Variants in R3HCC1 observed in about 807,000 individuals in gnomAD.
R3HCC1 encodes the protein R3H domain and coiled-coil containing 1, also known as R3H and coiled-coil domain-containing protein 1.
A neutral mutation model predicts 40.0 loss-of-function variants in R3HCC1; 32 were observed. The observed-to-expected ratio is 0.80, with a 90% CI of 0.60 to 1.07. R3HCC1 has a LOEUF of 1.07. R3HCC1 is among the 50% of genes least tolerant of loss of function. R3HCC1 has a pLI of 0.00. For missense variants in R3HCC1, 586 were observed against 563.3 expected (o/e 1.04, Z -0.41); for synonymous variants, 237 against 232.8 (o/e 1.02, Z -0.17).
intron 1 of R3HCC1, 36 bp from the exon 2 acceptor site, chr8:23,288,470 T>TG: frequency 6.5e-7 from 1 of 1,534,566 alleles, no homozygotes; most frequent in Non-Finnish European, 8.7e-7. Context: ...CGGGGGTCTG[T>TG]GCTCTGATTC....
intron 7 of R3HCC1, 84 bp downstream of exon 7, chr8:23,294,948 T>C: frequency 9.6e-7 from 1 of 1,041,886 alleles, no homozygotes; most frequent in Admixed American, 2.0e-5. Context: ...TGTGTGTGTG[T>C]CTGGTTTGGG....
intron 7 of R3HCC1, 60 bp from the exon 8 acceptor site, chr8:23,295,907 C>A: frequency 6.7e-7 from 1 of 1,496,870 alleles, no homozygotes; most frequent in South Asian, 1.3e-5. Context: ...TGCTGTGTTG[C>A]TGGGGGAGAG....
chr8:23,294,932 TGTGC>T, intron 7 of R3HCC1, 68 bp downstream of exon 7: 3 of 1,104,896 alleles, frequency 2.7e-6, no homozygotes, highest in East Asian at 2.6e-5. Flanking sequence ...CATGTGTGTG[TGTGC>T]GTGTGTGTGT....
At chr8:23,289,707 A>G (rs1449880385) in intron 3 of R3HCC1, among the ~76,000 whole-genome samples, 159 bp from the exon 4 acceptor site, 1 of 152,332 alleles carries the variant, frequency 6.6e-6, no homozygotes. Context: ...GACAGCCTCC[A>G]CTGTGATGCC....
At chr8:23,293,236 G>C in intron 5 of R3HCC1, 67 bp from the exon 6 acceptor site, 1 of 1,346,790 alleles carries the variant, frequency 7.4e-7, no homozygotes, top group Admixed American at 2.0e-5. Flanking sequence ...GGGTGTGGCT[G>C]CGGGATTCGA....
intron 5 of R3HCC1, among the ~76,000 whole-genome samples, chr8:23,292,222 G>C (rs537968539): frequency 6.6e-6 from 1 of 152,064 alleles, no homozygotes; most frequent in African/African-American, 2.4e-5. Flanking sequence ...CAACCTCCTG[G>C]GCTCAAGTGA....
At chr8:23,293,724 G>A (rs748626452) in intron 6 of R3HCC1, among the ~76,000 whole-genome samples, 1 of 152,162 alleles carries the variant, frequency 6.6e-6, no homozygotes, top group Non-Finnish European at 1.5e-5. Flanking sequence ...TTTGAATTCT[G>A]GAGATTTCAT....
Position 23,293,492 on chromosome 8 carries a change from C to A in R3HCC1, c.1096+119C>A, listed in dbSNP as rs559466841. ...GCAGGCTCAGCTGAGCCAGTAGGCT[C>A]TGGGGGTTTTGTTCCCAGCCTAAAA... On this transcript the variant is annotated intron_variant, in intron 6 of 7. Transcript: ENST00000265806. 63 of 737,288 alleles carry A rather than the reference C, an allele frequency of 8.5e-5. No individual in the cohort carries two copies. In the African/African-American group the frequency reaches 8.8e-4, roughly 10 times the overall value. 45.7% of individuals were successfully genotyped at this position (737,288 alleles called of 1,614,324 possible).
In R3HCC1 at chr8:23,289,987, G is replaced by A. The variant is rs1005072362; in HGVS notation, c.370G>A (p.Ala124Thr). Reference sequence around the variant, plus strand: ...AGCTGCGGTTCCCCGAGGTGCCCGGGCTGGCCGGTGGTATCGTGGACGCAA... The same window carrying A: ...AGCTGCGGTTCCCCGAGGTGCCCGGACTGGCCGGTGGTATCGTGGACGCAA... The change falls in exon 4 of 8, where the codon GCT becomes ACT. Residue 124 changes from alanine to threonine, a missense_variant. Transcript: ENST00000265806. 123 of 1,536,846 alleles carry A rather than the reference G, an allele frequency of 8.0e-5. No homozygotes were observed. The East Asian group carries it at 2.9e-3, about 37-fold the overall frequency.
Position 23,288,114 on chromosome 8 carries a change from C to T in R3HCC1, c.-62C>T, listed in dbSNP as rs906928242. ...CTCTAGGGCGCTCGGGCGCGCTGGC[C>T]CCTGGGGACGCCGAGGGCGGCTGCG... On this transcript the variant is annotated 5_prime_UTR_variant, in exon 1 of 8. Coordinates refer to ENST00000265806, the MANE Select transcript of R3HCC1 (RefSeq NM_001136108.3). 16 of 1,264,560 alleles carry T rather than the reference C, an allele frequency of 1.3e-5. No individual in the cohort carries two copies. The highest frequency in any genetic ancestry group is 1.0e-4 in the Admixed American group (4 of 38,488). The allele number at this position is 1,264,560 out of a possible 1,614,324, so 78.3% of individuals were successfully genotyped here.
At position 23,290,317 on chromosome 8, in the gene R3HCC1, T is replaced by C; in HGVS notation, c.700T>C (p.Phe234Leu). 4 of 1,551,596 alleles carry C rather than the reference T, an allele frequency of 2.6e-6. No homozygotes were observed. The highest frequency in any genetic ancestry group is 3.5e-6 in the Non-Finnish European group (4 of 1,146,970). Residue 234 changes from phenylalanine (F) to leucine (L), a missense_variant, in exon 4 of 8, where the codon TTT becomes CTT. By Grantham distance (22) the Phe-to-Leu change is conservative. Coordinates refer to ENST00000265806, the MANE Select transcript of R3HCC1 (RefSeq NM_001136108.3). ...AGACATGGTGGAGATGGCCACACGG[T>C]TTGGGTCCACCCTGCAGCTAGACCT... is the stretch of plus-strand genomic sequence containing the variant.
At chr8:23,292,054 C>T (rs1262717678) in intron 5 of R3HCC1, among the ~76,000 whole-genome samples, 1 of 152,200 alleles carries the variant, frequency 6.6e-6, no homozygotes, top group Non-Finnish European at 1.5e-5. Flanking sequence ...CCTGTCTTTC[C>T]TTCTTTTTTC....
chr8:23,293,386 CAGTGG>C lies in R3HCC1; in HGVS notation c.1096+14_1096+18del, dbSNP rs1182947724. On this transcript the variant is annotated intron_variant, in intron 6 of 7. Transcript: ENST00000265806. ...TGCCTGGCCTCAGGTAAGGCACCCC[CAGTGG>C]GCCCAGCCCTTGCTCGGATCCCTGT... 1.3e-6 allele frequency: 2 copies of C among 1,546,180 alleles called. No homozygotes were observed. The highest frequency in any genetic ancestry group is 2.7e-5 in the African/African-American group (2 of 72,970).
Position 23,294,862 on chromosome 8 carries a change from CAAGT to C in R3HCC1, c.1192+2_1192+5del. 6.5e-7 allele frequency: 1 copy of C among 1,549,226 alleles called. No individual in the cohort carries two copies. The highest frequency in any genetic ancestry group is 1.4e-5 in the African/African-American group (1 of 72,992). ...TCAAAGCTCAAAGCCTTGCAGAGGC[CAAGT>C]AAGGAAAGCGCATGTCCCTGAATAG... On this transcript the variant is annotated splice_donor_variant and coding_sequence_variant, in exon 7 of 8. Transcript: ENST00000265806. LOFTEE classifies it high-confidence loss of function.
Position 23,290,062 on chromosome 8 carries a change from T to A in R3HCC1, c.445T>A (p.Trp149Arg). 6.5e-7 allele frequency: 1 copy of A among 1,548,210 alleles called. No homozygotes were observed. The highest frequency in any genetic ancestry group is 8.7e-7 in the Non-Finnish European group (1 of 1,146,970). ...CCGGGTGCTGCGCAGGCAGGAAGAA[T>A]GGGGGCTGACCTCTACCTCGGTGCT... The change falls in exon 4 of 8, where the codon TGG (tryptophan) becomes AGG (arginine). Residue 149 changes from tryptophan (W) to arginine (R), a missense_variant. Transcript: ENST00000265806.
chr8:23,291,768 TG>T (rs1407011009), intron 5 of R3HCC1, among the ~76,000 whole-genome samples: 1 of 152,262 alleles, frequency 6.6e-6, no homozygotes, highest in Non-Finnish European at 1.5e-5. Context: ...AGACCTGGGC[TG>T]CCCCCCTGCA....
Position 23,290,132 on chromosome 8 carries a change from ATGT to A in R3HCC1, c.518_520del (p.Val173del). The stretch of plus-strand genomic sequence containing the variant: ...GGCAGGGACCCAGAAGAGCCTGGAG[ATGT>A]TGGTGCTGGAGACCCCAACTCTGAT... On this transcript the variant is annotated inframe_deletion, in exon 4 of 8. Transcript: ENST00000265806. The A allele has an allele frequency of 6.4e-7, 1 of 1,551,482 alleles. No individual in the cohort carries two copies. The highest frequency in any genetic ancestry group is 8.7e-7 in the Non-Finnish European group (1 of 1,146,994).
chr8:23,293,457 T>C (rs548668044), intron 6 of R3HCC1, 84 bp downstream of exon 6: 16 of 1,082,272 alleles, frequency 1.5e-5, no homozygotes, highest in East Asian at 2.6e-5. Flanking sequence ...GAGGCCACCA[T>C]CTCCTGGGCG....
At chr8:23,295,615 G>A (rs750253922) in intron 7 of R3HCC1, 6 of 456,800 alleles carry the variant, frequency 1.3e-5, no homozygotes, top group Non-Finnish European at 2.1e-5. Context: ...TAAATATCCT[G>A]TCCGTAGGTC....
Sources: gnomAD v4.1 joint callset for allele counts (sites outside exome capture counted in the v4.1 genomes callset) on GRCh38, gnomAD v4.1.1 for gene constraint, MANE v1.5 for transcripts, NCBI Gene and HGNC (gene_info 2026-07-23, HGNC 2026-07-21) for gene names.